The following SH3GL3 variants were observed in gnomAD, a reference collection of about 807,000 sequenced individuals.
SH3GL3 encodes SH3 domain containing GRB2 like 3, endophilin A3.
In SH3GL3, 33 loss-of-function variants were observed where a neutral mutation model predicts 47.7. That is an observed-to-expected ratio of 0.69 (90% CI 0.52 to 0.92). The LOEUF (loss-of-function observed/expected upper bound fraction) is 0.92. Among genes scored for constraint, SH3GL3 ranks in the 40% least tolerant of loss-of-function variants. The pLI is 0.00. For synonymous variants in SH3GL3, 155 were observed against 148.8 expected, an observed-to-expected ratio of 1.04 and a Z score of -0.30; for missense variants, 363 against 417.8, an observed-to-expected ratio of 0.87 and a Z score of 1.14.
intron 1 of SH3GL3, among the ~76,000 whole-genome samples, chr15:83,480,322 G>A (rs1241995758): frequency 6.6e-6 from 1 of 152,116 alleles, no homozygotes; most frequent in African/African-American, 2.4e-5. Context: ...ATCACTGTTT[G>A]TTCTAAAAAT....
At chr15:83,563,788 G>A (rs954073413) in intron 2 of SH3GL3, among the ~76,000 whole-genome samples, 11 of 151,902 alleles carry the variant, frequency 7.2e-5, no homozygotes, top group African/African-American at 7.3e-5. Flanking sequence ...ATAGGCACCC[G>A]TCATCATGCC....
intron 8 of SH3GL3, among the ~76,000 whole-genome samples, chr15:83,616,952 T>C (rs951060580): frequency 6.6e-6 from 1 of 152,168 alleles, no homozygotes; most frequent in African/African-American, 2.4e-5. Context: ...GTAACTAAAA[T>C]TGAAAGATAT....
intron 1 of SH3GL3, among the ~76,000 whole-genome samples, chr15:83,500,999 C>T (rs2042272406): frequency 6.6e-6 from 1 of 152,130 alleles, no homozygotes; most frequent in Non-Finnish European, 1.5e-5. Flanking sequence ...TATTTCTTGT[C>T]CTCTGTGTAT....
At chr15:83,484,804 A>G (rs952015630) in intron 1 of SH3GL3, among the ~76,000 whole-genome samples, 1 of 152,224 alleles carries the variant, frequency 6.6e-6, no homozygotes, top group African/African-American at 2.4e-5. Flanking sequence ...TCTGACATGA[A>G]GCACATTTTC....
At chr15:83,460,758 G>A (rs2040253260) in intron 1 of SH3GL3, among the ~76,000 whole-genome samples, 1 of 152,116 alleles carries the variant, frequency 6.6e-6, no homozygotes, top group Non-Finnish European at 1.5e-5. Flanking sequence ...TTGGTATGAT[G>A]CTGTAAATCA....
At chr15:83,526,066 T>G (rs2043408277) in intron 1 of SH3GL3, among the ~76,000 whole-genome samples, 1 of 152,182 alleles carries the variant, frequency 6.6e-6, no homozygotes, top group Admixed American at 6.5e-5. Context: ...AAAATGTCAT[T>G]GGTATTTTAA....
At chr15:83,477,872 G>A (rs558896853) in intron 1 of SH3GL3, among the ~76,000 whole-genome samples, 29 of 152,240 alleles carry the variant, frequency 1.9e-4, no homozygotes, top group South Asian at 4.1e-4. Flanking sequence ...CATAGATTTT[G>A]CGGGAACAAA....
chr15:83,487,878 CTTTT>C (rs58188472), intron 1 of SH3GL3, among the ~76,000 whole-genome samples: 1 of 137,624 alleles, frequency 7.3e-6, no homozygotes, highest in South Asian at 2.3e-4. Flanking sequence ...TTTTTCTTTT[CTTTT>C]TTTTTTTTTC....
At chr15:83,513,724 G>A (rs1389494257) in intron 1 of SH3GL3, among the ~76,000 whole-genome samples, 1 of 151,960 alleles carries the variant, frequency 6.6e-6, no homozygotes, top group Non-Finnish European at 1.5e-5. Flanking sequence ...CTCTACCCAG[G>A]GCATGGTAGG....
intron 1 of SH3GL3, among the ~76,000 whole-genome samples, chr15:83,547,464 C>A (rs150788127): frequency 5.9e-5 from 9 of 152,192 alleles, no homozygotes; most frequent in Non-Finnish European, 1.2e-4. Context: ...GGAGTAGTGT[C>A]GGCAATTCAA....
In SH3GL3 at chr15:83,456,136, G is replaced by C. The variant is rs899433291; in HGVS notation, c.45+8558G>C. Reference sequence around the variant, plus strand: ...TAGGCTGCTCGGGGGTCAGGGGTCAGGGACCCACTTGAGGAGGCAGTCTGC... The same window carrying C: ...TAGGCTGCTCGGGGGTCAGGGGTCACGGACCCACTTGAGGAGGCAGTCTGC... On this transcript the variant is annotated intron_variant, in intron 1 of 8. Coordinates refer to ENST00000427482, the MANE Select transcript of SH3GL3 (RefSeq NM_003027.5). 2.0e-4 allele frequency among the ~76,000 whole-genome samples: 17 copies of C among 84,010 alleles called. 2 individuals carry two copies. The highest frequency in any genetic ancestry group is 3.3e-4 in the African/African-American group (8 of 24,498). 55.1% of individuals were successfully genotyped at this position (84,010 alleles called of 152,430 possible).
chr15:83,542,854 T>C (rs1263356272), intron 1 of SH3GL3, among the ~76,000 whole-genome samples: 3 of 152,156 alleles, frequency 2.0e-5, no homozygotes, highest in Non-Finnish European at 4.4e-5. Flanking sequence ...TTGGTTCTAA[T>C]ACCTTTCTGA....
At chr15:83,568,143 C>T (rs970976252) in intron 3 of SH3GL3, among the ~76,000 whole-genome samples, 5 of 151,820 alleles carry the variant, frequency 3.3e-5, no homozygotes, top group Non-Finnish European at 7.4e-5. Context: ...CCACCACGCC[C>T]AGCTAATTTT....
chr15:83,555,808 T>G (rs2044924511), intron 1 of SH3GL3, among the ~76,000 whole-genome samples: 1 of 152,236 alleles, frequency 6.6e-6, no homozygotes, highest in African/African-American at 2.4e-5. Flanking sequence ...CTGCTGGCTG[T>G]CATAGCCTGT....
intron 1 of SH3GL3, among the ~76,000 whole-genome samples, chr15:83,467,283 T>C (rs2040612482): frequency 6.6e-6 from 1 of 152,256 alleles, no homozygotes; most frequent in African/African-American, 2.4e-5. Context: ...TACCACGTGT[T>C]GCAAAGGCTA....
intron 1 of SH3GL3, among the ~76,000 whole-genome samples, chr15:83,552,635 A>G (rs2044720554): frequency 1.3e-5 from 2 of 152,178 alleles, no homozygotes; most frequent in Non-Finnish European, 2.9e-5. Context: ...GTAATGTTCT[A>G]TCTGTACTTG....
chr15:83,606,850 GAGT>G (rs1001233593), intron 8 of SH3GL3, among the ~76,000 whole-genome samples: 5 of 152,126 alleles, frequency 3.3e-5, no homozygotes, highest in Non-Finnish European at 4.4e-5. Context: ...TGTCTTTTGT[GAGT>G]ACTTAGCATT....
At chr15:83,505,137 C>T (rs999273272) in intron 1 of SH3GL3, among the ~76,000 whole-genome samples, 4 of 152,064 alleles carry the variant, frequency 2.6e-5, no homozygotes, top group African/African-American at 4.8e-5. Context: ...TCGTGGTCAT[C>T]GGTGTTGTCC....
intron 1 of SH3GL3, among the ~76,000 whole-genome samples, chr15:83,460,246 G>C (rs371358468): frequency 6.0e-5 from 9 of 151,222 alleles, no homozygotes; most frequent in African/African-American, 2.2e-4. Flanking sequence ...GATTAAAGAC[G>C]GATGCTGCCA....
Sources: allele counts gnomAD v4.1 joint callset (sites outside exome capture counted in the v4.1 genomes callset), GRCh38; gene constraint gnomAD v4.1.1; transcripts MANE v1.5; gene names NCBI Gene and HGNC (gene_info 2026-07-23, HGNC 2026-07-21).